Variants in AUTS2 observed in about 807,000 individuals in gnomAD.
The protein encoded by AUTS2 is autism susceptibility gene 2 protein.
AUTS2 carries 17 observed loss-of-function variants against 112.4 expected under a neutral mutation model. That is an observed-to-expected ratio of 0.15 (90% CI 0.10 to 0.23). The LOEUF (loss-of-function observed/expected upper bound fraction) is 0.23. AUTS2 is among the 10% of genes least tolerant of loss of function. AUTS2 has a pLI of 1.00. For missense variants in AUTS2, 1,510 were observed against 1,701.6 expected, an observed-to-expected ratio of 0.89 and a Z score of 1.98; for synonymous variants, 751 against 702.7, an observed-to-expected ratio of 1.07 and a Z score of -1.09.
intron 5 of AUTS2, among the ~76,000 whole-genome samples, chr7:70,512,939 G>T (rs1366108420): frequency 6.6e-6 from 1 of 152,248 alleles, no homozygotes; most frequent in South Asian, 2.1e-4. Context: ...GATCTGTCAG[G>T]CAGATCCAGC....
In AUTS2 at chr7:70,459,569, G is replaced by T. The variant is rs376069279; in HGVS notation, c.690+23788G>T. The stretch of plus-strand genomic sequence containing the variant: ...GTGTCCAGAGAAGACATTCTTATCA[G>T]TTTTCTCAGTTACTTTTGGGAAACC... On this transcript the variant is annotated intron_variant, in intron 5 of 18. Coordinates refer to ENST00000342771, the MANE Select transcript of AUTS2 (RefSeq NM_015570.4). 1.4e-4 allele frequency among the ~76,000 whole-genome samples: 21 copies of T among 152,288 alleles called. No individual in the cohort carries two copies. The East Asian group carries it at 3.3e-3, about 24-fold the overall frequency.
intron 2 of AUTS2, among the ~76,000 whole-genome samples, chr7:70,029,840 T>A (rs568920494): frequency 1.7e-4 from 26 of 152,288 alleles, no homozygotes; most frequent in South Asian, 6.2e-4. Flanking sequence ...ATATGAAAAA[T>A]ATGTAAATGG....
chr7:70,394,370 A>C (rs1301876935), intron 4 of AUTS2, among the ~76,000 whole-genome samples: 1 of 152,216 alleles, frequency 6.6e-6, no homozygotes, highest in Non-Finnish European at 1.5e-5. Context: ...TAGTGGAGCT[A>C]AGACTTGAAT....
intron 5 of AUTS2, among the ~76,000 whole-genome samples, chr7:70,459,629 A>C (rs138108060): frequency 6.6e-6 from 1 of 152,346 alleles, no homozygotes; most frequent in East Asian, 1.9e-4. Context: ...AACTCAGACA[A>C]GGCACTGTGT....
chr7:70,316,681 G>C (rs1385975093), intron 4 of AUTS2, among the ~76,000 whole-genome samples: 3 of 152,110 alleles, frequency 2.0e-5, no homozygotes, highest in East Asian at 1.9e-4. Context: ...TTACAGGTGT[G>C]AGCCACCACA....
At chr7:70,603,109 G>GT (rs1232157076) in intron 5 of AUTS2, among the ~76,000 whole-genome samples, 1 of 152,000 alleles carries the variant, frequency 6.6e-6, no homozygotes, top group African/African-American at 2.4e-5. Context: ...TTTTTTGTTT[G>GT]TTTTGTTTTT....
At position 70,650,787 on chromosome 7, in the gene AUTS2, A is replaced by T. The variant is rs568088083; in HGVS notation, c.691-47782A>T. Among the ~76,000 whole-genome samples the T allele has an allele frequency of 2.0e-5, 3 of 151,780 alleles. No homozygotes were observed. In the South Asian group the frequency reaches 6.3e-4, roughly 32 times the overall value. On this transcript the variant is annotated intron_variant, in intron 5 of 18. Transcript: ENST00000342771. ...CAGATTCATTTTACACGCAAAGCAAACACATCTACACCCTTGTCTCAAGAA... is the reference window on the plus strand; with the variant it reads ...CAGATTCATTTTACACGCAAAGCAATCACATCTACACCCTTGTCTCAAGAA...
At chr7:70,357,139 T>A (rs762671793) in intron 4 of AUTS2, among the ~76,000 whole-genome samples, 6 of 152,144 alleles carry the variant, frequency 3.9e-5, no homozygotes, top group Non-Finnish European at 8.8e-5. Flanking sequence ...GGAGGCAGAT[T>A]TGGCAGGCAC....
At chr7:69,785,782 C>T (rs985625937) in intron 1 of AUTS2, among the ~76,000 whole-genome samples, 24 of 152,188 alleles carry the variant, frequency 1.6e-4, no homozygotes, top group Non-Finnish European at 3.1e-4. Context: ...GGATCAAATG[C>T]TAACTACATC....
At chr7:69,654,124 G>A (rs1352461391) in intron 1 of AUTS2, among the ~76,000 whole-genome samples, 2 of 152,190 alleles carry the variant, frequency 1.3e-5, no homozygotes, top group Non-Finnish European at 2.9e-5. Flanking sequence ...AGCTATGCTT[G>A]CTTTTTCTTC....
At chr7:70,534,358 AG>A (rs1365992999) in intron 5 of AUTS2, among the ~76,000 whole-genome samples, 1 of 152,240 alleles carries the variant, frequency 6.6e-6, no homozygotes, top group East Asian at 1.9e-4. Context: ...TGTCAAACAT[AG>A]GCAAGACAGA....
chr7:70,504,096 G>A (rs1242994114), intron 5 of AUTS2, among the ~76,000 whole-genome samples: 1 of 136,000 alleles, frequency 7.4e-6, no homozygotes, highest in Non-Finnish European at 1.7e-5. Flanking sequence ...ACTTTATAGT[G>A]AGACATTTCT....
chr7:69,690,029 C>T (rs1163722048), intron 1 of AUTS2, among the ~76,000 whole-genome samples: 1 of 152,094 alleles, frequency 6.6e-6, no homozygotes, highest in African/African-American at 2.4e-5. Flanking sequence ...TTTTTACCAT[C>T]TGAATGAATA....
chr7:69,809,372 C>G (rs1790448136), intron 1 of AUTS2, among the ~76,000 whole-genome samples: 1 of 152,226 alleles, frequency 6.6e-6, no homozygotes, highest in South Asian at 2.1e-4. Context: ...GCCACCACGC[C>G]TGGCCGATCA....
At chr7:70,277,982 G>A (rs964734583) in intron 4 of AUTS2, among the ~76,000 whole-genome samples, 2 of 148,530 alleles carry the variant, frequency 1.3e-5, no homozygotes, top group Non-Finnish European at 3.0e-5. Flanking sequence ...GTGTGTGTGT[G>A]TATGACAGTA....
intron 2 of AUTS2, among the ~76,000 whole-genome samples, chr7:69,969,509 T>C (rs1797761349): frequency 6.6e-6 from 1 of 152,226 alleles, no homozygotes; most frequent in South Asian, 2.1e-4. Flanking sequence ...TCTCAGTGAT[T>C]CTCTGCAGAA....
At chr7:70,385,050 G>A (rs900706429) in intron 4 of AUTS2, among the ~76,000 whole-genome samples, 7 of 152,136 alleles carry the variant, frequency 4.6e-5, no homozygotes, top group African/African-American at 1.4e-4. Context: ...TAGTTTACAC[G>A]AGTTTCCATC....
chr7:70,705,249 G>A (rs1809673283), intron 6 of AUTS2, among the ~76,000 whole-genome samples: 2 of 152,162 alleles, frequency 1.3e-5, no homozygotes, highest in South Asian at 2.1e-4. Flanking sequence ...CTCAGAAAGC[G>A]CAGTCTCAGG....
chr7:70,502,308 T>TGGACAAAGATA (rs968992027), intron 5 of AUTS2, among the ~76,000 whole-genome samples: 5 of 152,238 alleles, frequency 3.3e-5, no homozygotes, highest in African/African-American at 4.8e-5. Context: ...TTCTGAATGT[T>TGGACAAAGATA]GGACAAAGAT....
Sources: gnomAD v4.1 joint callset for allele counts (sites outside exome capture counted in the v4.1 genomes callset) on GRCh38, gnomAD v4.1.1 for gene constraint, MANE v1.5 for transcripts, NCBI Gene and HGNC (gene_info 2026-07-23, HGNC 2026-07-21) for gene names.